AUP1: variants seen among roughly 807,000 people sequenced by gnomAD.
AUP1 encodes the protein AUP1 lipid droplet regulating VLDL assembly factor.
AUP1 carries 30 observed loss-of-function variants against 51.8 expected under a neutral mutation model. The observed-to-expected ratio is 0.58, with a 90% confidence interval of 0.43 to 0.79. The LOEUF (loss-of-function observed/expected upper bound fraction) is 0.79, where lower values mean the gene tolerates loss of function less well. Among genes scored for constraint, AUP1 ranks in the 30% least tolerant of loss-of-function variants. The probability of loss-of-function intolerance (pLI) is 0.00; values close to 1 mark genes in which losing one functional copy is unlikely to be tolerated. For synonymous variants in AUP1, 227 were observed against 209.0 expected (o/e 1.09, Z -0.74); for missense variants, 492 against 517.1 (o/e 0.95, Z 0.47).
At position 74,526,993 on chromosome 2, in the gene AUP1, G is replaced by A. The variant is rs756251345; in HGVS notation, c.1144C>T (p.Arg382Trp). The change falls in exon 11 of 12, where the codon CGG (arginine) becomes TGG (tryptophan). Residue 382 changes from arginine to tryptophan, a missense_variant. By Grantham distance (101) the Arg-to-Trp change is moderately radical. Transcript: ENST00000377526. The stretch of plus-strand genomic sequence containing the variant: ...TTGCGCTCCTGCAGGCTCTCCTGCC[G>A]GGCCCAGGAAGACTTGGCAAATGTT... ...ALTFAKSSWA[R>W]QESLQERKQA... 6 of 1,614,080 alleles carry A rather than the reference G, an allele frequency of 3.7e-6. No homozygotes were observed. In the South Asian group the frequency reaches 4.4e-5, roughly 12 times the overall value.
chr2:74,529,087 C>G (rs1374656301), intron 3 of AUP1, 45 bp downstream of exon 3: 1 of 1,613,874 alleles, frequency 6.2e-7, no homozygotes, highest in Non-Finnish European at 8.5e-7. Flanking sequence ...TCAGCTGGGC[C>G]CCAGGGAACC....
At chr2:74,528,584 C>A in intron 4 of AUP1, 95 bp from the exon 5 acceptor site, 1 of 1,399,834 alleles carries the variant, frequency 7.1e-7, no homozygotes, top group Non-Finnish European at 1.0e-6. Context: ...ACTCTACAAG[C>A]ACATAATTGA....
In AUP1 at chr2:74,529,283, C is replaced by A. The variant is rs1675383921; in HGVS notation, c.189-1G>T. 3.7e-6 allele frequency: 6 copies of A among 1,614,102 alleles called. No homozygotes were observed. The highest frequency in any genetic ancestry group is 5.1e-6 in the Non-Finnish European group (6 of 1,180,032). ...CGCACACATGGTCCGCACTACGAAT[C>A]TGGGGACACAGGAGGTGGTGACTGT... On this transcript the variant is annotated splice_acceptor_variant, in intron 2 of 11. Transcript: ENST00000377526. LOFTEE classifies it high-confidence loss of function.
In AUP1 at chr2:74,529,256, A is replaced by T; in HGVS notation, c.215T>A (p.Val72Glu). The T allele has an allele frequency of 6.2e-7, 1 of 1,614,216 alleles. No homozygotes were observed. Among genetic ancestry groups the T allele is most frequent in the South Asian group, 1.1e-5 (1 of 91,090 alleles). Residue 72 changes from valine (V) to glutamate (E), a missense_variant, in exon 3 of 12, where the codon GTG (valine) becomes GAG (glutamate). Val to Glu is a moderately radical substitution (Grantham distance 121). Coordinates refer to ENST00000377526, the MANE Select transcript of AUP1 (RefSeq NM_181575.5). ...CTCCTGCCGGGCCACGAGCCCTAGC[A>T]CCGCACACATGGTCCGCACTACGAA... ...RRFVVRTMCA[V>E]LGLVARQEDS...
In AUP1 at chr2:74,527,608, A is replaced by C; in HGVS notation, c.842-18T>G. ...AGACTGGGCTGTGGAAAAAGGAAAA[A>C]AAGAAAAAAGAAATTCTGGTAAGTA... is the stretch of plus-strand genomic sequence containing the variant. On this transcript the variant is annotated intron_variant, in intron 8 of 11. Transcript: ENST00000377526. The C allele has an allele frequency of 6.3e-7, 1 of 1,587,170 alleles. No individual in the cohort carries two copies. The highest frequency in any genetic ancestry group is 8.5e-7 in the Non-Finnish European group (1 of 1,172,626).
chr2:74,528,525 G>T (rs1431660374), intron 4 of AUP1, 36 bp from the exon 5 acceptor site: 1 of 1,571,918 alleles, frequency 6.4e-7, no homozygotes, highest in African/African-American at 1.3e-5. Context: ...TGGGAATCCA[G>T]CCAGCCTAGT....
Position 74,528,473 on chromosome 2 carries a change from T to A in AUP1, c.541A>T (p.Ile181Phe). Residue 181 changes from isoleucine to phenylalanine, a missense_variant, in exon 5 of 12, where the codon ATC becomes TTC. Ile to Phe is a conservative substitution (Grantham distance 21, BLOSUM62 0). Transcript: ENST00000377526. ...LLRFSSWPFSIQDVVQPLTLQ... is the reference protein window; with the variant it reads ...LLRFSSWPFSFQDVVQPLTLQ... ...GTAAGAGGTTGTACCACATCTTGGA[T>A]AGAAAATGGCCAGGAACTAGAAGAG... The A allele has an allele frequency of 6.2e-7, 1 of 1,613,350 alleles. No homozygotes were observed.
intron 2 of AUP1, 34 bp downstream of exon 2, chr2:74,529,328 A>G: frequency 6.2e-7 from 1 of 1,613,712 alleles, no homozygotes; most frequent in Non-Finnish European, 8.5e-7. Context: ...GGCCAGACCC[A>G]GCTCTGACAC....
chr2:74,528,866 C>G lies in AUP1; in HGVS notation c.409G>C (p.Glu137Gln), dbSNP rs1239481222. 11 of 1,614,070 alleles carry G rather than the reference C, an allele frequency of 6.8e-6. No homozygotes were observed. Among genetic ancestry groups the G allele is most frequent in the Non-Finnish European group, 7.6e-6 (9 of 1,179,958 alleles). The change falls in exon 4 of 12, where the codon GAG becomes CAG. Residue 137 changes from glutamate (E) to glutamine (Q), a missense_variant. By Grantham distance (29) the Glu-to-Gln change is conservative. Coordinates refer to ENST00000377526, the MANE Select transcript of AUP1 (RefSeq NM_181575.5). ...AATCTCTTGAGTGACTCCACCAACTCCCCCCGCCCATTCATCTCCATGAAG... is the reference window on the plus strand; with the variant it reads ...AATCTCTTGAGTGACTCCACCAACTGCCCCCGCCCATTCATCTCCATGAAG... ...RGFMEMNGRG[E>Q]LVESLKRFCA...
At position 74,529,447 on chromosome 2, in the gene AUP1, C is replaced by G. The variant is rs750637782; in HGVS notation, c.103G>C (p.Gly35Arg). Residue 35 changes from glycine (G) to arginine (R), a missense_variant, in exon 2 of 12, where the codon GGG becomes CGG. Physicochemically the swap from Gly to Arg is moderately radical, Grantham distance 125. Coordinates refer to ENST00000377526, the MANE Select transcript of AUP1 (RefSeq NM_181575.5). ...AGGCGCAGGACGAGGAGGCAGAACC[C>G]GACTGGCGCGTAGAGCAGCAGCACG... ...LLVLLLYAPV[G>R]FCLLVLRLFL... 4 of 1,568,980 alleles carry G rather than the reference C, an allele frequency of 2.5e-6. No individual in the cohort carries two copies. The Admixed American group carries it at 7.6e-5, about 30-fold the overall frequency.
At chr2:74,528,703 A>G (rs778083622) in intron 4 of AUP1, 48 bp downstream of exon 4, 35 of 1,546,120 alleles carry the variant, frequency 2.3e-5, no homozygotes, top group Non-Finnish European at 2.7e-5. Flanking sequence ...AGGGCCCACA[A>G]GCTTGACCAC....
chr2:74,529,024 G>A, intron 3 of AUP1, 89 bp from the exon 4 acceptor site: 1 of 1,604,950 alleles, frequency 6.2e-7, no homozygotes, highest in Non-Finnish European at 8.5e-7. Context: ...ATCGGGGTTA[G>A]GGGTAAGGCT....
intron 3 of AUP1, 36 bp from the exon 4 acceptor site, chr2:74,528,971 T>G (rs1256282117): frequency 6.3e-7 from 1 of 1,595,548 alleles, no homozygotes; most frequent in East Asian, 2.3e-5. Context: ...AGAAGAAAAA[T>G]ATTGAGGAAA....
chr2:74,527,384 A>G, intron 9 of AUP1, 21 bp from the exon 10 acceptor site: 1 of 1,613,362 alleles, frequency 6.2e-7, no homozygotes, highest in East Asian at 2.2e-5. Flanking sequence ...AAGAGAAGGG[A>G]GTCCACTCCC....
Position 74,528,947 on chromosome 2 carries a change from G to A in AUP1, c.340-12C>T, listed in dbSNP as rs778634122. 1 of 1,613,296 alleles carries A rather than the reference G, an allele frequency of 6.2e-7. No homozygotes were observed. Among genetic ancestry groups the A allele is most frequent in the Admixed American group, 1.7e-5 (1 of 60,002 alleles). The stretch of plus-strand genomic sequence containing the variant: ...CTATTGAGTAGAGGCTGGGAACCAG[G>A]AGAAGAGAAAGCAAGAAGAAAAATA... On this transcript the variant is annotated splice_polypyrimidine_tract_variant and intron_variant, in intron 3 of 11. Coordinates refer to ENST00000377526, the MANE Select transcript of AUP1 (RefSeq NM_181575.5).
At position 74,528,444 on chromosome 2, in the gene AUP1, C is replaced by T; in HGVS notation, c.570G>A (p.Leu190=). ...CAGAGACCAGGGGTCTCTGAACTTG[C>T]AGGGTAAGAGGTTGTACCACATCTT... is the stretch of plus-strand genomic sequence containing the variant. The part of the protein sequence containing the change: ...SIQDVVQPLT[L]QVQRPLVSVT... The change falls in exon 5 of 12, where the codon CTG becomes CTA. Residue 190 remains leucine (L), a synonymous_variant. Transcript: ENST00000377526. 6.2e-7 allele frequency: 1 copy of T among 1,613,790 alleles called. No homozygotes were observed. Among genetic ancestry groups the T allele is most frequent in the Non-Finnish European group, 8.5e-7 (1 of 1,179,854 alleles).
intron 3 of AUP1, 38 bp from the exon 4 acceptor site, chr2:74,528,973 T>C (rs367659327): frequency 3.1e-5 from 50 of 1,592,360 alleles, no homozygotes; most frequent in Non-Finnish European, 3.8e-5. Flanking sequence ...AAGAAAAATA[T>C]TGAGGAAAAT....
rs770583135 is a variant in AUP1, at chr2:74,528,875, C to T, written c.400G>A (p.Gly134Arg). 2 of 1,614,110 alleles carry T rather than the reference C, an allele frequency of 1.2e-6. No individual in the cohort carries two copies. The highest frequency in any genetic ancestry group is 8.5e-7 in the Non-Finnish European group (1 of 1,180,034). ...CWSRGFMEMNGRGELVESLKR... is the reference protein window; with the variant it reads ...CWSRGFMEMNRRGELVESLKR... ...AGTGACTCCACCAACTCCCCCCGCC[C>T]ATTCATCTCCATGAAGCCCCGAGAC... is the stretch of plus-strand genomic sequence containing the variant. The change falls in exon 4 of 12, where the codon GGG (glycine) becomes AGG (arginine). Residue 134 changes from glycine (G) to arginine (R), a missense_variant. Physicochemically the swap from Gly to Arg is moderately radical, Grantham distance 125 (BLOSUM62 -2). Coordinates refer to ENST00000377526, the MANE Select transcript of AUP1 (RefSeq NM_181575.5).
chr2:74,527,278 A>G lies in AUP1; in HGVS notation c.1047T>C (p.Thr349=), dbSNP rs1178291238. 1.2e-6 allele frequency: 2 copies of G among 1,613,964 alleles called. No homozygotes were observed. The highest frequency in any genetic ancestry group is 1.3e-5 in the African/African-American group (1 of 75,024). ...AFMPEDITKG[T]QSLPTASASK... The stretch of plus-strand genomic sequence containing the variant: ...AGGCAGAGGCTGTGGGTAGGGACTG[A>G]GTTCCCTTGGTGATGTCTTCAGGCA... Residue 349 remains threonine (T), a synonymous_variant, in exon 10 of 12, where the codon ACT becomes ACC. Transcript: ENST00000377526.
Sources: allele counts gnomAD v4.1 joint callset, GRCh38; gene constraint gnomAD v4.1.1; transcripts MANE v1.5; gene names NCBI Gene and HGNC (gene_info 2026-07-23, HGNC 2026-07-21).